DLG2: variants seen among roughly 807,000 people sequenced by gnomAD.
DLG2 encodes the protein discs large MAGUK scaffold protein 2, also known as disks large homolog 2.
In DLG2, 45 loss-of-function variants were observed where a neutral mutation model predicts 132.5. The observed-to-expected ratio is 0.34, with a 90% CI of 0.27 to 0.44. The LOEUF (loss-of-function observed/expected upper bound fraction) is 0.44. Ranked by LOEUF, DLG2 falls within the 20% of genes least tolerant of loss-of-function variation. DLG2 has a pLI of 1.00. For synonymous variants in DLG2, 424 were observed against 419.6 expected (o/e 1.01, Z -0.13); for missense variants, 1,045 against 1,196.9 (o/e 0.87, Z 1.87).
At chr11:83,580,892 T>G (rs1218881127) in intron 19 of DLG2, among the ~76,000 whole-genome samples, 1 of 87,020 alleles carries the variant, frequency 1.1e-5, no homozygotes, top group Non-Finnish European at 2.3e-5. Context: ...TCCTCTCCCC[T>G]CCCTTCCCCT....
intron 7 of DLG2, chr11:84,437,898 C>G (rs1291681059): frequency 1.3e-5 from 2 of 152,538 alleles, no homozygotes; most frequent in Admixed American, 1.3e-4. Context: ...TGGCTTCCCT[C>G]TATCTTGACA....
At chr11:83,940,721 T>G (rs2082459084) in intron 14 of DLG2, among the ~76,000 whole-genome samples, 1 of 152,212 alleles carries the variant, frequency 6.6e-6, no homozygotes, top group African/African-American at 2.4e-5. Context: ...GGAAACAAAC[T>G]GTGATTCTCA....
chr11:85,525,952 A>T (rs2074711580), intron 3 of DLG2, among the ~76,000 whole-genome samples: 1 of 152,172 alleles, frequency 6.6e-6, no homozygotes. Flanking sequence ...ACGAGAGGAA[A>T]CTATCTGAAG....
At chr11:84,652,494 C>T (rs1391616870) in intron 6 of DLG2, among the ~76,000 whole-genome samples, 1 of 151,956 alleles carries the variant, frequency 6.6e-6, no homozygotes, top group Non-Finnish European at 1.5e-5. Flanking sequence ...AAGAAGAAGG[C>T]AATGAAATCA....
rs60317922 is a variant in DLG2 at position 85,209,595 on chromosome 11, C to CTT, written c.187-54946_187-54945dup. On this transcript the variant is annotated intron_variant, in intron 4 of 27. Transcript: ENST00000376104. ...GGAGCACACTACCACACCCAGCTAACTTTTTTTTTTTTTTTTGTATGTTCA... is the reference window on the plus strand; with the variant it reads ...GGAGCACACTACCACACCCAGCTAACTTTTTTTTTTTTTTTTTTGTATGTTCA... Among the ~76,000 whole-genome samples, 3 of 116,944 alleles carry CTT rather than the reference C, an allele frequency of 2.6e-5. 1 individual carries two copies. Among genetic ancestry groups the CTT allele is most frequent in the Non-Finnish European group, 3.4e-5 (2 of 58,936 alleles). 76.7% of individuals were successfully genotyped at this position (116,944 alleles called of 152,430 possible).
intron 18 of DLG2, chr11:83,647,594 C>T (rs545279530): frequency 5.9e-5 from 9 of 152,082 alleles, no homozygotes; most frequent in African/African-American, 9.7e-5. Flanking sequence ...TTCATATTCC[C>T]GTAAGTACTT....
At chr11:84,010,706 G>T (rs575853533) in intron 11 of DLG2, among the ~76,000 whole-genome samples, 1 of 152,168 alleles carries the variant, frequency 6.6e-6, no homozygotes, top group East Asian at 1.9e-4. Context: ...ATTATTAAAA[G>T]GAATTGTTTA....
chr11:85,189,489 G>A (rs1194339885), intron 4 of DLG2, among the ~76,000 whole-genome samples: 1 of 152,156 alleles, frequency 6.6e-6, no homozygotes, highest in East Asian at 1.9e-4. Flanking sequence ...AAAGAAGCTA[G>A]TCTCAAAAGA....
intron 6 of DLG2, among the ~76,000 whole-genome samples, chr11:84,630,904 A>G (rs1480178184): frequency 6.7e-6 from 1 of 150,222 alleles, no homozygotes; most frequent in Non-Finnish European, 1.5e-5. Flanking sequence ...TCACCTGAGC[A>G]TTTGTTTGGT....
chr11:85,548,070 G>A (rs1259303499), intron 3 of DLG2, among the ~76,000 whole-genome samples: 1 of 152,052 alleles, frequency 6.6e-6, no homozygotes, highest in African/African-American at 2.4e-5. Context: ...TAGGCATTCT[G>A]GTTTTTAGAA....
At chr11:85,103,716 T>C (rs1254147051) in intron 6 of DLG2, among the ~76,000 whole-genome samples, 1 of 151,882 alleles carries the variant, frequency 6.6e-6, no homozygotes, top group African/African-American at 2.4e-5. Flanking sequence ...CAAAAAAAGA[T>C]AAATTAGACT....
intron 6 of DLG2, among the ~76,000 whole-genome samples, chr11:84,964,786 A>G (rs1233054905): frequency 1.3e-5 from 2 of 152,100 alleles, no homozygotes; most frequent in South Asian, 2.1e-4. Context: ...TAGCAGCTAC[A>G]GGAGCCTACC....
At chr11:84,413,333 T>C (rs2098916560) in intron 7 of DLG2, among the ~76,000 whole-genome samples, 1 of 152,220 alleles carries the variant, frequency 6.6e-6, no homozygotes. Flanking sequence ...TTAGAAGTGG[T>C]ATTTCAATTG....
chr11:83,901,085 C>T (rs1456734447), intron 15 of DLG2, among the ~76,000 whole-genome samples: 1 of 152,126 alleles, frequency 6.6e-6, no homozygotes, highest in East Asian at 1.9e-4. Flanking sequence ...GCCTATAGCC[C>T]CTTTGTTTTG....
At chr11:84,934,740 C>G (rs1459025790) in intron 6 of DLG2, among the ~76,000 whole-genome samples, 1 of 151,736 alleles carries the variant, frequency 6.6e-6, no homozygotes, top group Admixed American at 6.6e-5. Context: ...TTTTTACTGT[C>G]TCTTCCTGCA....
chr11:83,700,651 A>T (rs1046557406), intron 18 of DLG2, among the ~76,000 whole-genome samples: 2 of 152,230 alleles, frequency 1.3e-5, no homozygotes, highest in Non-Finnish European at 2.9e-5. Context: ...ATTTTCTTTC[A>T]CTGTGTTCCT....
intron 6 of DLG2, among the ~76,000 whole-genome samples, chr11:84,788,341 T>C (rs947803206): frequency 6.6e-6 from 1 of 152,170 alleles, no homozygotes; most frequent in Admixed American, 6.5e-5. Context: ...GCACATTACT[T>C]GGAACACAAC....
chr11:83,505,815 T>G lies in DLG2; in HGVS notation c.2194-21587A>C, dbSNP rs563996889. ...ATGTCCTAGAAAGGGGCTGTAGTGCTGCAGCTGTCCACTTTTGGGTGGTAT... is the reference window on the plus strand; with the variant it reads ...ATGTCCTAGAAAGGGGCTGTAGTGCGGCAGCTGTCCACTTTTGGGTGGTAT... On this transcript the variant is annotated intron_variant, in intron 21 of 27. Transcript: ENST00000376104. Among the ~76,000 whole-genome samples the G allele has an allele frequency of 3.3e-5, 5 of 152,320 alleles. No homozygotes were observed. The East Asian group carries it at 9.6e-4, about 29-fold the overall frequency.
chr11:84,035,056 T>C (rs2095824990), intron 11 of DLG2, among the ~76,000 whole-genome samples: 2 of 152,086 alleles, frequency 1.3e-5, no homozygotes, highest in South Asian at 2.1e-4. Context: ...TGAACCCTTC[T>C]GGTAACAGAG....
Sources: allele counts gnomAD v4.1 joint callset (sites outside exome capture counted in the v4.1 genomes callset), GRCh38; gene constraint gnomAD v4.1.1; transcripts MANE v1.5; gene names NCBI Gene and HGNC (gene_info 2026-07-23, HGNC 2026-07-21).